The following SLCO4A1 variants were observed in gnomAD, a reference collection of about 807,000 sequenced individuals.
SLCO4A1 encodes the protein colon organic anion transporter.
A neutral mutation model predicts 64.6 loss-of-function variants in SLCO4A1; 51 were observed. That is an observed-to-expected ratio of 0.79 (90% confidence interval 0.63 to 1.00). The LOEUF is 1.00. Among genes scored for constraint, SLCO4A1 ranks in the 50% least tolerant of loss-of-function variants. The pLI is 0.00. For synonymous variants in SLCO4A1, 471 were observed against 444.9 expected, an observed-to-expected ratio of 1.06 and a Z score of -0.74; for missense variants, 919 against 980.5, an observed-to-expected ratio of 0.94 and a Z score of 0.84.
At chr20:62,679,260 T>C (rs1397557280) in intron 2 of SLCO4A1, among the ~76,000 whole-genome samples, 3 of 152,120 alleles carry the variant, frequency 2.0e-5, no homozygotes, top group Admixed American at 2.0e-4. Flanking sequence ...CACGAAGCTA[T>C]CTGTGTCCTG....
intron 7 of SLCO4A1, among the ~76,000 whole-genome samples, chr20:62,667,144 C>T (rs1986502373): frequency 6.6e-6 from 1 of 152,242 alleles, no homozygotes; most frequent in Admixed American, 6.5e-5. Flanking sequence ...GACGGGGTCA[C>T]TACGCTGTCC....
At chr20:62,646,778 G>A (rs1031867972) in intron 1 of SLCO4A1, among the ~76,000 whole-genome samples, 4 of 152,260 alleles carry the variant, frequency 2.6e-5, no homozygotes, top group South Asian at 2.1e-4. Context: ...TGACCTGCGT[G>A]GCTTGGAGCC....
intron 3 of SLCO4A1, among the ~76,000 whole-genome samples, 195 bp downstream of exon 3, chr20:62,658,962 CCCCAGGGCAGGA>C (rs1984273186): frequency 6.6e-6 from 1 of 152,224 alleles, no homozygotes; most frequent in African/African-American, 2.4e-5. Flanking sequence ...TGGGAGTCGG[CCCCAGGGCAGGA>C]GGCAGGGCAG....
chr20:62,660,218 C>G (rs146779974), intron 3 of SLCO4A1, among the ~76,000 whole-genome samples, 194 bp from the exon 4 acceptor site: 1 of 152,194 alleles, frequency 6.6e-6, no homozygotes, highest in South Asian at 2.1e-4. Context: ...ACAGCTAAGC[C>G]AAGGTGGTGT....
intron 2 of SLCO4A1, among the ~76,000 whole-genome samples, chr20:62,678,056 G>T (rs530757671): frequency 6.6e-6 from 1 of 152,216 alleles, no homozygotes; most frequent in Non-Finnish European, 1.5e-5. Flanking sequence ...GTGAGGCAAA[G>T]GTTGATGGAA....
At chr20:62,683,702 C>T (rs1365546652) in intron 2 of SLCO4A1, among the ~76,000 whole-genome samples, 2 of 152,204 alleles carry the variant, frequency 1.3e-5, no homozygotes, top group Admixed American at 6.5e-5. Context: ...GAGCAACGGG[C>T]GACACCATGT....
At chr20:62,664,070 G>A (rs1306032395) in intron 5 of SLCO4A1, among the ~76,000 whole-genome samples, 1 of 152,092 alleles carries the variant, frequency 6.6e-6, no homozygotes, top group Admixed American at 6.5e-5. Flanking sequence ...GAAACTGCAA[G>A]GCCTGATGTG....
chr20:62,683,883 G>A (rs980407619), intron 2 of SLCO4A1, among the ~76,000 whole-genome samples: 7 of 151,800 alleles, frequency 4.6e-5, no homozygotes, highest in East Asian at 3.9e-4. Flanking sequence ...AAGATCTCAC[G>A]TGACCACGCG....
chr20:62,656,527 G>A lies in SLCO4A1; in HGVS notation c.73G>A (p.Asp25Asn). The A allele has an allele frequency of 6.3e-7, 1 of 1,575,680 alleles. No homozygotes were observed. Among genetic ancestry groups the A allele is most frequent in the Non-Finnish European group, 8.6e-7 (1 of 1,165,680 alleles). ...SPNSAMENGL[D>N]HTPPSRRASP... Reference sequence around the variant, plus strand: ...CAACTCAGCCATGGAAAACGGGCTTGACCACACCCCACCCAGCAGGAGGGC... The same window carrying A: ...CAACTCAGCCATGGAAAACGGGCTTAACCACACCCCACCCAGCAGGAGGGC... Residue 25 changes from aspartate (D) to asparagine (N), a missense_variant, in exon 2 of 12, where the codon GAC becomes AAC. Coordinates refer to ENST00000217159, the MANE Select transcript of SLCO4A1 (RefSeq NM_016354.4).
In SLCO4A1 at chr20:62,656,564, C is replaced by T. The variant is rs1292786350; in HGVS notation, c.110C>T (p.Thr37Ile). The T allele has an allele frequency of 1.3e-6, 2 of 1,585,182 alleles. No individual in the cohort carries two copies. Among genetic ancestry groups the T allele is most frequent in the Admixed American group, 1.7e-5 (1 of 58,356 alleles). ...CCCAGCAGGAGGGCATCCCCGGGCA[C>T]ACCCCTGAGCCCCGGCTCCCTCCGC... ...TPPSRRASPG[T>I]PLSPGSLRSA... Residue 37 changes from threonine to isoleucine, a missense_variant, in exon 2 of 12, where the codon ACA (threonine) becomes ATA (isoleucine). By Grantham distance (89) the Thr-to-Ile change is moderately conservative (BLOSUM62 -1). Coordinates refer to ENST00000217159, the MANE Select transcript of SLCO4A1 (RefSeq NM_016354.4).
downstream of SLCO4A1, among the ~76,000 whole-genome samples, chr20:62,674,863 G>A (rs1250542057): frequency 6.6e-6 from 1 of 152,190 alleles, no homozygotes; most frequent in African/African-American, 2.4e-5. Flanking sequence ...GCCGTCTGCA[G>A]ACCAAGGAAA....
At chr20:62,676,024 A>G (rs2147112457), downstream of SLCO4A1, among the ~76,000 whole-genome samples, 1 of 152,308 alleles carries the variant, frequency 6.6e-6, no homozygotes, top group Non-Finnish European at 1.5e-5. Flanking sequence ...GCTGTGCACT[A>G]AATGTTCTTC....
chr20:62,690,545 C>A (rs1267772123), downstream of SLCO4A1, among the ~76,000 whole-genome samples: 1 of 152,180 alleles, frequency 6.6e-6, no homozygotes, highest in African/African-American at 2.4e-5. Context: ...TTCATTTTAC[C>A]AGGAGAGAAA....
At chr20:62,651,778 A>G (rs1290652364) in intron 1 of SLCO4A1, 1 of 152,234 alleles carries the variant, frequency 6.6e-6, no homozygotes, top group Non-Finnish European at 1.5e-5. Context: ...TCTCAAAGCT[A>G]TGCAGACGGG....
rs911368703 is a variant in SLCO4A1 at position 62,671,793 on chromosome 20, A to C, written c.2069A>C (p.Lys690Thr). 7.4e-6 allele frequency: 12 copies of C among 1,613,638 alleles called. No homozygotes were observed. Among genetic ancestry groups the C allele is most frequent in the Non-Finnish European group, 1.0e-5 (12 of 1,180,000 alleles). Residue 690 changes from lysine (K) to threonine (T), a missense_variant, in exon 12 of 12, where the codon AAG becomes ACG. Lys to Thr is a moderately conservative substitution (Grantham distance 78). Coordinates refer to ENST00000217159, the MANE Select transcript of SLCO4A1 (RefSeq NM_016354.4). ...LFFAIACFLYKPLSESSDGLE... is the reference protein window; with the variant it reads ...LFFAIACFLYTPLSESSDGLE... ...TTTGCCATAGCCTGCTTCTTATACA[A>C]GCCCCTGTCGGAGTCTTCAGATGGC... is the stretch of plus-strand genomic sequence containing the variant.
chr20:62,667,547 G>A (rs2147101173), intron 7 of SLCO4A1, 198 bp from the exon 8 acceptor site: 1 of 617,904 alleles, frequency 1.6e-6, no homozygotes, highest in Non-Finnish European at 2.8e-6. Flanking sequence ...CCTTGCGTGA[G>A]GAGGAAAAAC....
chr20:62,656,063 C>T (rs549786551), intron 1 of SLCO4A1, among the ~76,000 whole-genome samples: 27 of 152,340 alleles, frequency 1.8e-4, no homozygotes, highest in Middle Eastern at 6.8e-3. Flanking sequence ...ACAGCCCTGA[C>T]GCCACACCGC....
intron 7 of SLCO4A1, among the ~76,000 whole-genome samples, chr20:62,667,198 C>A (rs1052099482): frequency 2.6e-5 from 4 of 152,210 alleles, no homozygotes; most frequent in African/African-American, 4.8e-5. Flanking sequence ...GGAAGCTCAT[C>A]CTGGGCCACT....
In SLCO4A1 at chr20:62,678,984, C is replaced by T. The variant is rs539384189; in HGVS notation, n.212-6457C>T. 3.9e-5 allele frequency among the ~76,000 whole-genome samples: 6 copies of T among 152,198 alleles called. No individual in the cohort carries two copies. The East Asian group carries it at 5.8e-4, about 15-fold the overall frequency. Reference sequence around the variant, plus strand: ...CTATAATGCCAGCACTTTGGGAGGCCGAGGCAGGCAGATCACTTGAGGTCA... The same window carrying T: ...CTATAATGCCAGCACTTTGGGAGGCTGAGGCAGGCAGATCACTTGAGGTCA... On this transcript the variant is annotated intron_variant and non_coding_transcript_variant, in intron 2 of 2. Coordinates refer to the SLCO4A1 transcript ENST00000466818.
Sources: gnomAD v4.1 joint callset for allele counts (sites outside exome capture counted in the v4.1 genomes callset) on GRCh38, gnomAD v4.1.1 for gene constraint, MANE v1.5 for transcripts, NCBI Gene and HGNC (gene_info 2026-07-23, HGNC 2026-07-21) for gene names.